Variants in PACSIN2 observed in about 807,000 individuals in gnomAD.
The protein encoded by PACSIN2 is protein kinase C and casein kinase substrate in neurons 2, also known as protein kinase C and casein kinase substrate in neurons protein 2.
PACSIN2 carries 25 observed loss-of-function variants against 63.8 expected under a neutral mutation model. The ratio of observed to expected loss-of-function variants is 0.39; its 90% CI spans 0.29 to 0.55. PACSIN2 has a LOEUF of 0.55. PACSIN2 is among the 20% of genes least tolerant of loss of function. PACSIN2 has a pLI of 0.62. For synonymous variants in PACSIN2, 255 were observed against 256.2 expected, an observed-to-expected ratio of 1.00 and a Z score of 0.05; for missense variants, 518 against 646.9, an observed-to-expected ratio of 0.80 and a Z score of 2.16.
chr22:42,980,548 A>C (rs1922024977), intron 1 of PACSIN2, among the ~76,000 whole-genome samples: 1 of 125,336 alleles, frequency 8.0e-6, no homozygotes, highest in Non-Finnish European at 1.6e-5. Flanking sequence ...CCAAAGCTGG[A>C]CGGTACTGCT....
chr22:42,876,361 C>CTGTAA, intron 9 of PACSIN2, 28 bp from the exon 10 acceptor site: 2 of 1,604,206 alleles, frequency 1.2e-6, no homozygotes, highest in Non-Finnish European at 1.7e-6. Context: ...CCACAGGGCC[C>CTGTAA]TCAGCACAGG....
intron 1 of PACSIN2, among the ~76,000 whole-genome samples, chr22:42,974,947 A>G (rs1414739807): frequency 6.6e-6 from 1 of 152,064 alleles, no homozygotes; most frequent in Non-Finnish European, 1.5e-5. Context: ...TGGAGCAAGG[A>G]TATCTCCTCT....
intron 8 of PACSIN2, 83 bp from the exon 9 acceptor site, chr22:42,877,093 A>C: frequency 1.0e-5 from 15 of 1,486,522 alleles, no homozygotes; most frequent in Non-Finnish European, 1.4e-5. Context: ...GCAGGATCTC[A>C]AGAGACAAAT....
At chr22:42,982,693 TC>T (rs1300872997) in intron 1 of PACSIN2, among the ~76,000 whole-genome samples, 2 of 134,224 alleles carry the variant, frequency 1.5e-5, no homozygotes, top group African/African-American at 5.7e-5. Context: ...TTAAGAGTCA[TC>T]ACCACTCCCT....
At chr22:42,876,369 A>G in intron 9 of PACSIN2, 36 bp from the exon 10 acceptor site, 2 of 1,579,872 alleles carry the variant, frequency 1.3e-6, no homozygotes, top group Non-Finnish European at 1.7e-6. Context: ...CCCTCAGCAC[A>G]GGGCGGCAGA....
At chr22:42,924,801 G>C (rs2146757596) in intron 1 of PACSIN2, among the ~76,000 whole-genome samples, 1 of 150,842 alleles carries the variant, frequency 6.6e-6, no homozygotes, top group Non-Finnish European at 1.5e-5. Context: ...CTGTCGCCCA[G>C]GCTGAAGCGC....
intron 1 of PACSIN2, among the ~76,000 whole-genome samples, chr22:42,969,924 A>T (rs984370354): frequency 4.1e-5 from 1 of 24,568 alleles, no homozygotes; most frequent in African/African-American, 2.5e-4. Context: ...AAGAAAAAGA[A>T]AAAAAAAAGA....
intron 1 of PACSIN2, among the ~76,000 whole-genome samples, chr22:42,994,697 C>T (rs1417965842): frequency 3.3e-5 from 5 of 152,212 alleles, no homozygotes; most frequent in African/African-American, 7.2e-5. Context: ...TTCTTGATAC[C>T]TCAGATTCCT....
chr22:42,877,279 G>T (rs574336070), intron 8 of PACSIN2, among the ~76,000 whole-genome samples: 40 of 152,268 alleles, frequency 2.6e-4, no homozygotes, highest in Non-Finnish European at 5.0e-4. Context: ...CCCTGGGGTG[G>T]CCCAGGGGCG....
intron 5 of PACSIN2, among the ~76,000 whole-genome samples, chr22:42,887,774 C>A (rs991636678): frequency 6.6e-6 from 1 of 152,222 alleles, no homozygotes; most frequent in East Asian, 1.9e-4. Context: ...CTTATCTACA[C>A]CTGCGGAGCA....
chr22:43,014,368 C>CCA, intron 1 of PACSIN2, among the ~76,000 whole-genome samples: 1 of 2,676 alleles, frequency 3.7e-4, no homozygotes, highest in East Asian at 0.019. Flanking sequence ...ACACACACCA[C>CCA]CCCCCCCCCC....
chr22:42,952,434 C>A (rs1056046400), intron 1 of PACSIN2, among the ~76,000 whole-genome samples: 3 of 151,790 alleles, frequency 2.0e-5, no homozygotes, highest in African/African-American at 7.3e-5. Context: ...TGGCTCACTG[C>A]AGCAGCCTCT....
chr22:42,987,803 G>A (rs1469105109), intron 1 of PACSIN2, among the ~76,000 whole-genome samples: 8 of 151,816 alleles, frequency 5.3e-5, no homozygotes, highest in Admixed American at 2.0e-4. Context: ...CAAAGTGCTC[G>A]GATTACAGGC....
At chr22:42,961,925 A>AG (rs1238220634) in intron 1 of PACSIN2, among the ~76,000 whole-genome samples, 2 of 152,248 alleles carry the variant, frequency 1.3e-5, no homozygotes, top group Non-Finnish European at 2.9e-5. Context: ...TCACCAAAAA[A>AG]GCAGAGAAGT....
At chr22:42,935,853 T>C (rs1932900560) in intron 1 of PACSIN2, among the ~76,000 whole-genome samples, 1 of 152,110 alleles carries the variant, frequency 6.6e-6, no homozygotes. Context: ...AGAGATGACC[T>C]AGCCATCAAG....
At chr22:42,988,433 A>G (rs913994890) in intron 1 of PACSIN2, among the ~76,000 whole-genome samples, 1 of 152,198 alleles carries the variant, frequency 6.6e-6, no homozygotes, top group African/African-American at 2.4e-5. Context: ...TCTACTTCCC[A>G]AGATTAGTTA....
intron 1 of PACSIN2, among the ~76,000 whole-genome samples, chr22:42,956,180 A>C (rs1210268300): frequency 6.6e-6 from 1 of 152,218 alleles, no homozygotes; most frequent in Non-Finnish European, 1.5e-5. Flanking sequence ...AGATAATCTA[A>C]ATGCCATACT....
intron 1 of PACSIN2, among the ~76,000 whole-genome samples, chr22:42,917,173 G>A (rs549970721): frequency 6.6e-6 from 1 of 152,238 alleles, no homozygotes; most frequent in South Asian, 2.1e-4. Context: ...AAGGAACCTG[G>A]GGCATACAAA....
At chr22:42,998,857 G>A (rs886213720) in intron 1 of PACSIN2, among the ~76,000 whole-genome samples, 1 of 152,158 alleles carries the variant, frequency 6.6e-6, no homozygotes, top group Non-Finnish European at 1.5e-5. Context: ...GCAGAGGAGA[G>A]AAGAGAGGAA....
Sources: allele counts gnomAD v4.1 joint callset (sites outside exome capture counted in the v4.1 genomes callset), GRCh38; gene constraint gnomAD v4.1.1; transcripts MANE v1.5; gene names NCBI Gene and HGNC (gene_info 2026-07-23, HGNC 2026-07-21).